Variants in C12orf54 observed in about 807,000 individuals in gnomAD.
C12orf54 encodes the protein chromosome 12 open reading frame 54, also known as uncharacterized protein C12orf54.
C12orf54 carries 24 observed loss-of-function variants against 26.4 expected under a neutral mutation model. That is an observed-to-expected ratio of 0.91 (90% confidence interval 0.66 to 1.28). C12orf54 has a LOEUF of 1.28. Ranked by LOEUF, C12orf54 falls within the 50% of genes most tolerant of loss-of-function variation. C12orf54 has a pLI of 0.00. For missense variants in C12orf54, 154 were observed against 150.9 expected (o/e 1.02, Z -0.11); for synonymous variants, 54 against 47.0 (o/e 1.15, Z -0.61).
chr12:48,480,437 G>C (rs1004955431), upstream of C12orf54, among the ~76,000 whole-genome samples: 1 of 149,830 alleles, frequency 6.7e-6, no homozygotes, highest in South Asian at 2.1e-4. Flanking sequence ...GAGAATTTTT[G>C]CTGTGCAAAA....
At chr12:48,428,083 A>C in the C12orf54 span, among the ~76,000 whole-genome samples, 1 of 152,124 alleles carries the variant, frequency 6.6e-6, no homozygotes, top group Non-Finnish European at 1.5e-5. Flanking sequence ...TTGGGTCAAA[A>C]ATGAAATCAA....
At chr12:48,480,377 T>C (rs1954186466), upstream of C12orf54, among the ~76,000 whole-genome samples, 1 of 152,230 alleles carries the variant, frequency 6.6e-6, no homozygotes, top group African/African-American at 2.4e-5. Context: ...GTCAGATGCA[T>C]AGTTTGCAAA....
At chr12:48,468,906 A>T in the C12orf54 span, among the ~76,000 whole-genome samples, 1 of 152,194 alleles carries the variant, frequency 6.6e-6, no homozygotes, top group Non-Finnish European at 1.5e-5. Context: ...GTGACATCAC[A>T]TGTCGGCAGG....
upstream of C12orf54, among the ~76,000 whole-genome samples, chr12:48,478,928 C>T (rs180835382): frequency 5.7e-4 from 87 of 152,320 alleles, no homozygotes; most frequent in East Asian, 0.017. Context: ...GGACTGTGAA[C>T]TAGTTCAACC....
the C12orf54 span, chr12:48,442,389 A>C: frequency 6.5e-6 from 1 of 152,986 alleles, no homozygotes; most frequent in Admixed American, 6.5e-5. Flanking sequence ...ACATCAGAGC[A>C]AGACAAAGGA....
the C12orf54 span, among the ~76,000 whole-genome samples, chr12:48,428,856 T>A: frequency 6.6e-6 from 1 of 150,534 alleles, no homozygotes; most frequent in Non-Finnish European, 1.5e-5. Flanking sequence ...CAGGGAAGGA[T>A]ATAACCAAAA....
At chr12:48,416,207 T>C in the C12orf54 span, among the ~76,000 whole-genome samples, 3 of 152,206 alleles carry the variant, frequency 2.0e-5, no homozygotes, top group Non-Finnish European at 4.4e-5. Flanking sequence ...TAGTGCTCCA[T>C]AGAGAAGCCA....
chr12:48,473,685 T>C, the C12orf54 span: 6 of 226,366 alleles, frequency 2.7e-5, no homozygotes, highest in African/African-American at 1.4e-4. Context: ...AATAGTTAAG[T>C]ACACACTAAG....
the C12orf54 span, among the ~76,000 whole-genome samples, chr12:48,450,982 C>T: frequency 2.0e-5 from 3 of 151,902 alleles, no homozygotes; most frequent in Non-Finnish European, 4.4e-5. Context: ...TTCTATGAGG[C>T]CAGCATCATC....
chr12:48,450,869 C>T, the C12orf54 span, among the ~76,000 whole-genome samples: 23 of 152,076 alleles, frequency 1.5e-4, no homozygotes, highest in South Asian at 4.2e-4. Flanking sequence ...CAAGACCAGA[C>T]GAATTCACAG....
chr12:48,460,920 G>A, the C12orf54 span, among the ~76,000 whole-genome samples: 1 of 151,884 alleles, frequency 6.6e-6, no homozygotes, highest in Admixed American at 6.6e-5. Flanking sequence ...TGAAATGAGA[G>A]TGAAAAACCT....
At chr12:48,472,109 G>A in the C12orf54 span, among the ~76,000 whole-genome samples, 1 of 152,100 alleles carries the variant, frequency 6.6e-6, no homozygotes, top group African/African-American at 2.4e-5. Context: ...TGTGGCTATT[G>A]TAAATGGGGT....
chr12:48,488,883 A>G (rs1478305063), intron 4 of C12orf54, 41 bp from the exon 5 acceptor site: 3 of 1,495,836 alleles, frequency 2.0e-6, no homozygotes, highest in South Asian at 2.3e-5. Flanking sequence ...TAAAGTGATC[A>G]TCTACAATAT....
chr12:48,442,331 A>G, the C12orf54 span: 4 of 154,432 alleles, frequency 2.6e-5, no homozygotes, highest in African/African-American at 7.2e-5. Context: ...AAAATTTCCA[A>G]AGAAATGCAG....
At chr12:48,459,062 A>C in the C12orf54 span, among the ~76,000 whole-genome samples, 5 of 152,030 alleles carry the variant, frequency 3.3e-5, no homozygotes, top group African/African-American at 1.2e-4. Context: ...TTCTGCACCA[A>C]AATCTTCTTG....
chr12:48,489,010 C>G (rs1392243644), intron 5 of C12orf54, 54 bp downstream of exon 5: 5 of 1,555,834 alleles, frequency 3.2e-6, no homozygotes, highest in Admixed American at 1.7e-5. Context: ...GTGCCTTGAT[C>G]CCATTTTTTT....
At chr12:48,477,779 G>C (rs796836651), upstream of C12orf54, among the ~76,000 whole-genome samples, 1 of 152,136 alleles carries the variant, frequency 6.6e-6, no homozygotes, top group Non-Finnish European at 1.5e-5. Context: ...AAAAAAAGTT[G>C]AGGACCAGAT....
At chr12:48,440,237 G>C in the C12orf54 span, among the ~76,000 whole-genome samples, 1 of 151,272 alleles carries the variant, frequency 6.6e-6, no homozygotes, top group South Asian at 2.1e-4. Context: ...AAAAAAAAAA[G>C]AAAGTATTCT....
chr12:48,449,232 G>C, the C12orf54 span, among the ~76,000 whole-genome samples: 4 of 152,114 alleles, frequency 2.6e-5, no homozygotes, highest in Non-Finnish European at 5.9e-5. Context: ...TCAGGAGTGG[G>C]AAGGCCTGAA....
Sources: allele counts gnomAD v4.1 joint callset (sites outside exome capture counted in the v4.1 genomes callset), GRCh38; gene constraint gnomAD v4.1.1; transcripts MANE v1.5; gene names NCBI Gene and HGNC (gene_info 2026-07-23, HGNC 2026-07-21).